Variants in KAT6A observed in about 807,000 individuals in gnomAD.
KAT6A encodes histone acetyltransferase KAT6A.
A neutral mutation model predicts 198.4 loss-of-function variants in KAT6A; 9 were observed. The observed-to-expected ratio is 0.05, with a 90% confidence interval of 0.03 to 0.08. The LOEUF is 0.08. Ranked by LOEUF, KAT6A falls within the 10% of genes least tolerant of loss-of-function variation. The probability of loss-of-function intolerance (pLI) is 1.00; values close to 1 mark genes in which losing one functional copy is unlikely to be tolerated. For missense variants in KAT6A, 2,077 were observed against 2,509.9 expected, an observed-to-expected ratio of 0.83 and a Z score of 3.69; for synonymous variants, 890 against 883.0, an observed-to-expected ratio of 1.01 and a Z score of -0.14.
At chr8:41,992,158 G>A (rs1350826560) in intron 2 of KAT6A, among the ~76,000 whole-genome samples, 1 of 151,486 alleles carries the variant, frequency 6.6e-6, no homozygotes, top group African/African-American at 2.4e-5. Context: ...CCATGATCAT[G>A]CCACTGCACC....
intron 7 of KAT6A, among the ~76,000 whole-genome samples, chr8:41,975,711 A>G (rs572161295): frequency 6.6e-6 from 1 of 152,206 alleles, no homozygotes; most frequent in Non-Finnish European, 1.5e-5. Context: ...CTTAAACTTT[A>G]TAATTCATAA....
chr8:41,992,181 C>T (rs1183575562), intron 2 of KAT6A, among the ~76,000 whole-genome samples: 1 of 150,384 alleles, frequency 6.6e-6, no homozygotes, highest in East Asian at 1.9e-4. Flanking sequence ...AGCCTAGCAA[C>T]AGAGCGAGAC....
intron 2 of KAT6A, among the ~76,000 whole-genome samples, chr8:42,043,997 C>T (rs576583794): frequency 8.5e-5 from 13 of 152,116 alleles, no homozygotes; most frequent in African/African-American, 2.9e-4. Flanking sequence ...ATTAAAATAA[C>T]GCCTGGCACA....
At chr8:42,035,155 T>C (rs1046946370) in intron 2 of KAT6A, among the ~76,000 whole-genome samples, 2 of 152,008 alleles carry the variant, frequency 1.3e-5, no homozygotes, top group Non-Finnish European at 2.9e-5. Flanking sequence ...TGTTAAAAAG[T>C]GTAAGAGAGA....
rs1242474439 is a variant in KAT6A at position 41,954,186 on chromosome 8, A to G, written c.1598+1110T>C. Among the ~76,000 whole-genome samples the G allele has an allele frequency of 3.3e-5, 5 of 152,352 alleles. No homozygotes were observed. In the East Asian group the frequency reaches 9.6e-4, roughly 29 times the overall value. ...TATTTTTCTACTTCGACTGTAGACT[A>G]GAGAAGCAAGTTATTATATGGAAAG... On this transcript the variant is annotated intron_variant, in intron 9 of 16. Transcript: ENST00000265713.
intron 11 of KAT6A, among the ~76,000 whole-genome samples, chr8:41,947,322 C>T (rs1354756630): frequency 2.6e-5 from 4 of 152,184 alleles, no homozygotes; most frequent in African/African-American, 4.8e-5. Context: ...TAGAAATAAA[C>T]TTTCTCCCTC....
chr8:41,973,540 A>G (rs1823905318), intron 8 of KAT6A, among the ~76,000 whole-genome samples: 1 of 152,124 alleles, frequency 6.6e-6, no homozygotes, highest in Non-Finnish European at 1.5e-5. Context: ...TCTTTTCAAG[A>G]TAAAAGAGAA....
rs201475966 is a variant in KAT6A, at chr8:41,933,264, T to C, written c.4956A>G (p.Pro1652=). The C allele has an allele frequency of 7.5e-4, 1,171 of 1,552,318 alleles. 2 individuals carry two copies. Among genetic ancestry groups the C allele is most frequent in the Non-Finnish European group, 9.5e-4 (1,100 of 1,152,172 alleles). The stretch of plus-strand genomic sequence containing the variant: ...GCTGTGGCTGCTGTGGAGGCGGTGG[T>C]GGCGGCTGCTGCTGCTGGTTACTGG... ...RPPSNQQQQP[P]PPPPQQPQPP... The change falls in exon 17 of 17, where the codon CCA becomes CCG. Residue 1652 remains proline, a synonymous_variant. Coordinates refer to ENST00000265713, the MANE Select transcript of KAT6A (RefSeq NM_006766.5). The surrounding 1 kb of genome is among the most constrained non-coding windows in gnomAD (Gnocchi z 6.2).
At chr8:41,942,040 A>C (rs1219227127) in intron 14 of KAT6A, 2 of 185,600 alleles carry the variant, frequency 1.1e-5, no homozygotes, top group African/African-American at 4.7e-5. Context: ...ACTGCACTAA[A>C]GAGAGGCATG....
chr8:41,953,427 TAAC>T (rs1822763290), intron 9 of KAT6A, among the ~76,000 whole-genome samples: 2 of 152,194 alleles, frequency 1.3e-5, no homozygotes, highest in Non-Finnish European at 2.9e-5. Context: ...AAAATGATCA[TAAC>T]AACTTATTTT....
chr8:41,946,817 A>G (rs1337770908), intron 11 of KAT6A, 133 bp from the exon 12 acceptor site: 2 of 616,302 alleles, frequency 3.2e-6, no homozygotes, highest in Non-Finnish European at 5.8e-6. Context: ...ACATCAACAA[A>G]CAACTACCCA....
intron 2 of KAT6A, among the ~76,000 whole-genome samples, chr8:42,033,489 T>C (rs982920678): frequency 2.0e-5 from 3 of 152,236 alleles, no homozygotes; most frequent in Non-Finnish European, 4.4e-5. Flanking sequence ...TCATATCCAA[T>C]TAAACAGTTA....
chr8:41,959,013 G>A (rs989635677), intron 8 of KAT6A, among the ~76,000 whole-genome samples: 3 of 151,970 alleles, frequency 2.0e-5, no homozygotes, highest in African/African-American at 7.3e-5. Flanking sequence ...CAAAAAATTA[G>A]CTGAGGAGCT....
At chr8:41,994,921 T>C (rs1335307276) in intron 2 of KAT6A, among the ~76,000 whole-genome samples, 3 of 151,960 alleles carry the variant, frequency 2.0e-5, no homozygotes, top group Non-Finnish European at 4.4e-5. Context: ...CCAGGCATGG[T>C]GGCAGGCACC....
At chr8:42,011,430 G>C (rs1220991427) in intron 2 of KAT6A, among the ~76,000 whole-genome samples, 1 of 152,080 alleles carries the variant, frequency 6.6e-6, no homozygotes, top group Non-Finnish European at 1.5e-5. Flanking sequence ...TCACAATGCT[G>C]ATCGACAGTT....
chr8:41,967,600 T>A (rs1223630215), intron 8 of KAT6A, among the ~76,000 whole-genome samples: 1 of 152,064 alleles, frequency 6.6e-6, no homozygotes, highest in Admixed American at 6.6e-5. Flanking sequence ...TCCAATTTCA[T>A]CCATGTCCCT....
chr8:41,952,710 C>T (rs773372540), intron 9 of KAT6A, among the ~76,000 whole-genome samples: 17 of 151,810 alleles, frequency 1.1e-4, no homozygotes, highest in East Asian at 1.9e-4. Flanking sequence ...CAGTTTAGCA[C>T]GAAATAATAA....
Position 41,977,256 on chromosome 8 carries a change from C to T in KAT6A, c.1115G>A (p.Ser372Asn). The T allele has an allele frequency of 1.2e-6, 2 of 1,614,174 alleles. No homozygotes were observed. Among genetic ancestry groups the T allele is most frequent in the South Asian group, 2.2e-5 (2 of 91,084 alleles). Residue 372 changes from serine to asparagine, a missense_variant, in exon 7 of 17, where the codon AGC becomes AAC. Physicochemically the swap from Ser to Asn is conservative, Grantham distance 46 (BLOSUM62 1). This residue lies in a region of KAT6A where 206 missense variants were observed against 214.9 expected (regional missense o/e 0.96). Transcript: ENST00000265713. ...RGRKRKITLS[S>N]QSASSSSEEG... is the part of the protein sequence containing the mutation. ...TTCTGATGATGATGATGCTGATTGG[C>T]TGGAAAGAGTGATTTTTCGTTTCCT...
chr8:41,951,524 T>G (rs1260037944), intron 9 of KAT6A, among the ~76,000 whole-genome samples: 1 of 152,342 alleles, frequency 6.6e-6, no homozygotes, highest in Non-Finnish European at 1.5e-5. Context: ...GGGGCTGCTT[T>G]TAGTGATCTT....
Sources: gnomAD v4.1 joint callset for allele counts (sites outside exome capture counted in the v4.1 genomes callset) on GRCh38, gnomAD v4.1.1 for gene constraint, gnomAD v4.1.1 regional missense constraint, Gnocchi (gnomAD v3.1) non-coding constraint, MANE v1.5 for transcripts, NCBI Gene and HGNC (gene_info 2026-07-23, HGNC 2026-07-21) for gene names.